Variants in SKAP1 observed in about 807,000 individuals in gnomAD.
SKAP1 encodes the protein src kinase-associated phosphoprotein 1.
In SKAP1, 44 loss-of-function variants were observed where a neutral mutation model predicts 58.5. The ratio of observed to expected loss-of-function variants is 0.75; its 90% CI spans 0.59 to 0.97. The LOEUF is 0.97. Ranked by LOEUF, SKAP1 falls within the 50% of genes least tolerant of loss-of-function variation. The pLI is 0.00. For synonymous variants in SKAP1, 127 were observed against 149.7 expected, an observed-to-expected ratio of 0.85 and a Z score of 1.11; for missense variants, 390 against 435.2, an observed-to-expected ratio of 0.90 and a Z score of 0.92.
At chr17:48,369,896 C>T (rs147803431) in intron 2 of SKAP1, among the ~76,000 whole-genome samples, 1 of 152,260 alleles carries the variant, frequency 6.6e-6, no homozygotes, top group African/African-American at 2.4e-5. Flanking sequence ...AAACAATCAT[C>T]AAAATTAACT....
intron 2 of SKAP1, among the ~76,000 whole-genome samples, chr17:48,393,761 AAT>A (rs1018352052): frequency 8.6e-5 from 13 of 151,846 alleles, no homozygotes; most frequent in African/African-American, 2.7e-4. Context: ...GAAGTTGTAA[AAT>A]ATATATATAT....
At chr17:48,366,464 C>T (rs780863023) in intron 2 of SKAP1, among the ~76,000 whole-genome samples, 1 of 123,424 alleles carries the variant, frequency 8.1e-6, no homozygotes, top group Non-Finnish European at 1.6e-5. Context: ...GGGCAGAGGA[C>T]GGGGTAGGAA....
At chr17:48,188,017 A>G in intron 5 of SKAP1, 91 bp from the exon 6 acceptor site, 1 of 906,072 alleles carries the variant, frequency 1.1e-6, no homozygotes, top group Non-Finnish European at 1.8e-6. Context: ...CCAGTGTGTT[A>G]TTGTTTTATT....
intron 4 of SKAP1, among the ~76,000 whole-genome samples, chr17:48,327,046 A>G (rs989356490): frequency 1.3e-5 from 2 of 152,004 alleles, no homozygotes; most frequent in Non-Finnish European, 2.9e-5. Flanking sequence ...GTGCGCCACC[A>G]TGCCTTGCTA....
chr17:48,232,662 C>A (rs140841979), intron 4 of SKAP1, among the ~76,000 whole-genome samples: 1 of 152,116 alleles, frequency 6.6e-6, no homozygotes, highest in Non-Finnish European at 1.5e-5. Flanking sequence ...ATTGGATTAA[C>A]CAGAGTCCAC....
intron 11 of SKAP1, among the ~76,000 whole-genome samples, chr17:48,139,212 C>A (rs1179316889): frequency 6.9e-6 from 1 of 145,944 alleles, no homozygotes; most frequent in South Asian, 2.2e-4. Context: ...GATGGAGTCT[C>A]GCTCTTTTGC....
intron 4 of SKAP1, among the ~76,000 whole-genome samples, chr17:48,255,251 A>G (rs1003463286): frequency 6.6e-6 from 1 of 152,060 alleles, no homozygotes; most frequent in African/African-American, 2.4e-5. Flanking sequence ...AATCAGAATT[A>G]TGTCTAAGAG....
intron 4 of SKAP1, among the ~76,000 whole-genome samples, chr17:48,237,063 G>C (rs750675712): frequency 5.3e-5 from 8 of 152,208 alleles, no homozygotes; most frequent in Non-Finnish European, 1.0e-4. Flanking sequence ...ATTAGGTCAT[G>C]AAGTTGGATT....
chr17:48,367,410 T>A (rs980041109), intron 2 of SKAP1, among the ~76,000 whole-genome samples: 2 of 151,500 alleles, frequency 1.3e-5, no homozygotes. Context: ...GGTAAGAGAG[T>A]AGATTTTAAG....
At chr17:48,139,073 G>A (rs1003741406) in intron 11 of SKAP1, among the ~76,000 whole-genome samples, 2 of 151,220 alleles carry the variant, frequency 1.3e-5, no homozygotes, top group Non-Finnish European at 2.9e-5. Context: ...TAAAGACGGT[G>A]TTTCACCCTG....
intron 4 of SKAP1, among the ~76,000 whole-genome samples, chr17:48,214,037 T>C (rs987227169): frequency 6.6e-6 from 1 of 152,206 alleles, no homozygotes; most frequent in Non-Finnish European, 1.5e-5. Flanking sequence ...CCTGACAGTT[T>C]GAAACAAACT....
rs547923952 is a variant in SKAP1 at position 48,414,581 on chromosome 17, C to T, written c.46+15494G>A. 5.9e-5 allele frequency among the ~76,000 whole-genome samples: 9 copies of T among 152,308 alleles called. No individual in the cohort carries two copies. In the South Asian group the frequency reaches 1.7e-3, roughly 28 times the overall value. ...CTTAAACACAGCTCTGACAAAAATG[C>T]ATCTTTCTGTTATAATTCATAGCTG... On this transcript the variant is annotated intron_variant, in intron 1 of 12. Coordinates refer to ENST00000336915, the MANE Select transcript of SKAP1 (RefSeq NM_003726.4).
intron 4 of SKAP1, chr17:48,196,630 C>T (rs2143577257): frequency 6.6e-6 from 1 of 152,298 alleles, no homozygotes; most frequent in African/African-American, 2.4e-5. Flanking sequence ...GTAGCTCCCA[C>T]TTATAAGTGA....
intron 4 of SKAP1, among the ~76,000 whole-genome samples, chr17:48,282,158 T>C (rs2065774843): frequency 6.6e-6 from 1 of 152,220 alleles, no homozygotes; most frequent in Non-Finnish European, 1.5e-5. Flanking sequence ...TTTTATGCCT[T>C]TCTGTTTCAT....
intron 1 of SKAP1, among the ~76,000 whole-genome samples, chr17:48,409,403 G>A (rs1271185856): frequency 6.6e-6 from 1 of 152,128 alleles, no homozygotes; most frequent in Non-Finnish European, 1.5e-5. Context: ...GGTGGCTCAC[G>A]CCTACAATCC....
chr17:48,330,243 A>G (rs1427377485), intron 4 of SKAP1, among the ~76,000 whole-genome samples: 2 of 152,192 alleles, frequency 1.3e-5, no homozygotes. Flanking sequence ...TTTTAATTTA[A>G]AAGTTTTAAA....
intron 4 of SKAP1, chr17:48,248,952 T>G (rs1409428556): frequency 6.6e-6 from 1 of 152,086 alleles, no homozygotes; most frequent in African/African-American, 2.4e-5. Flanking sequence ...TCCCAGCACT[T>G]TGGGAGGCCG....
At chr17:48,363,722 G>C in intron 3 of SKAP1, 67 bp downstream of exon 3, 2 of 1,343,960 alleles carry the variant, frequency 1.5e-6, no homozygotes, top group East Asian at 2.3e-5. Context: ...GTAGAGAAGA[G>C]ACAGGAATAA....
intron 6 of SKAP1, among the ~76,000 whole-genome samples, chr17:48,187,260 A>G (rs1169540860): frequency 6.6e-6 from 1 of 152,120 alleles, no homozygotes; most frequent in African/African-American, 2.4e-5. Context: ...GTGGTGGCTC[A>G]TTAAGAAACT....
Sources: allele counts gnomAD v4.1 joint callset (sites outside exome capture counted in the v4.1 genomes callset), GRCh38; gene constraint gnomAD v4.1.1; transcripts MANE v1.5; gene names NCBI Gene and HGNC (gene_info 2026-07-23, HGNC 2026-07-21).